The following AHDC1 variants were observed in gnomAD, a reference collection of about 807,000 sequenced individuals.
AHDC1 encodes transcription factor Gibbin.
A neutral mutation model predicts 87.9 loss-of-function variants in AHDC1; 7 were observed. The observed-to-expected ratio is 0.08, with a 90% CI of 0.05 to 0.15. The LOEUF (loss-of-function observed/expected upper bound fraction) is 0.15. AHDC1 is among the 10% of genes least tolerant of loss of function. The probability of loss-of-function intolerance (pLI) is 1.00; values close to 1 mark genes in which losing one functional copy is unlikely to be tolerated. For missense variants in AHDC1, 1,841 were observed against 2,253.2 expected (o/e 0.82, Z 3.70); for synonymous variants, 1,051 against 1,006.8 (o/e 1.04, Z -0.83).
At chr1:27,574,544 G>A (rs2088647804) in intron 3 of AHDC1, among the ~76,000 whole-genome samples, 1 of 152,160 alleles carries the variant, frequency 6.6e-6, no homozygotes, top group South Asian at 2.1e-4. Flanking sequence ...CCAGCGAGTG[G>A]CAACTGTGGC....
Position 27,541,017 on chromosome 1 carries a change from A to C in AHDC1, c.*44-6101T>G, listed in dbSNP as rs1314764800. On this transcript the variant is annotated intron_variant, in intron 8 of 8. Transcript: ENST00000673934. ...TAAAAATGCTAAAAAAAAAAAAAAA[A>C]AAAAAAAAACAACAACAAAACCCAA... is the stretch of plus-strand genomic sequence containing the variant. Among the ~76,000 whole-genome samples the C allele has an allele frequency of 5.5e-4, 83 of 150,646 alleles. 1 individual carries two copies. Among genetic ancestry groups the C allele is most frequent in the Admixed American group, 9.2e-4 (14 of 15,166 alleles).
In AHDC1 at chr1:27,547,964, G is replaced by A. The variant is rs910475305; in HGVS notation, c.4152C>T (p.Ala1384=). The A allele has an allele frequency of 1.9e-6, 3 of 1,599,816 alleles. No homozygotes were observed. The highest frequency in any genetic ancestry group is 2.6e-6 in the Non-Finnish European group (3 of 1,170,834). ...ELDGKHFPPL[A]HPPTVFDAGL... ...CGGCGTCAAACACCGTGGGTGGGTG[G>A]GCCAGCGGTGGGAAATGCTTGCCAT... The change falls in exon 8 of 9, where the codon GCC becomes GCT. Residue 1384 remains alanine (A), a synonymous_variant. Coordinates refer to ENST00000673934, the MANE Select transcript of AHDC1 (RefSeq NM_001371928.1). This position sits in a 1 kb window ranked among gnomAD's most constrained non-coding sequence, Gnocchi z 4.9.
chr1:27,602,761 G>T (rs377088504), intron 3 of AHDC1, among the ~76,000 whole-genome samples: 1 of 152,002 alleles, frequency 6.6e-6, no homozygotes, highest in Non-Finnish European at 1.5e-5. Flanking sequence ...CCAGGTAACC[G>T]GGCACGCGGC....
intron 3 of AHDC1, among the ~76,000 whole-genome samples, chr1:27,602,977 C>T (rs2089574461): frequency 7.0e-6 from 1 of 143,564 alleles, no homozygotes; most frequent in African/African-American, 2.6e-5. Context: ...CCCACGGTCC[C>T]CCCTTCATTC....
At chr1:27,538,676 G>A (rs1307987318) in intron 8 of AHDC1, among the ~76,000 whole-genome samples, 1 of 151,842 alleles carries the variant, frequency 6.6e-6, no homozygotes, top group African/African-American at 2.4e-5. Flanking sequence ...CACCACACCT[G>A]GCTAATTATT....
At chr1:27,573,838 C>T (rs2088620390) in intron 3 of AHDC1, among the ~76,000 whole-genome samples, 1 of 152,188 alleles carries the variant, frequency 6.6e-6, no homozygotes, top group South Asian at 2.1e-4. Flanking sequence ...ATTTCAACTC[C>T]ATTTTGCAGA....
In AHDC1 at chr1:27,534,260, T is replaced by TG. The variant is rs977281694; in HGVS notation, c.*699dup. The TG allele has an allele frequency of 7.4e-6, 1 of 135,256 alleles. No individual in the cohort carries two copies. The highest frequency in any genetic ancestry group is 2.9e-5 in the African/African-American group (1 of 34,646). The allele number at this position is 135,256 out of a possible 1,614,324, so 8.4% of individuals were successfully genotyped here. On this transcript the variant is annotated 3_prime_UTR_variant, in exon 9 of 9. Transcript: ENST00000673934. ...AGACACAAGGTTGGTTTTTTTTTTT[T>TG]GTTTTTTTTTTGTTTTTTTTTTGCT...
chr1:27,537,160 G>C (rs762646352), intron 8 of AHDC1, among the ~76,000 whole-genome samples: 4 of 152,168 alleles, frequency 2.6e-5, no homozygotes, highest in Non-Finnish European at 5.9e-5. Flanking sequence ...TCATGGAGGT[G>C]GGGGAGAATG....
At chr1:27,597,251 G>A (rs1300477721) in intron 3 of AHDC1, among the ~76,000 whole-genome samples, 1 of 152,184 alleles carries the variant, frequency 6.6e-6, no homozygotes, top group East Asian at 1.9e-4. Flanking sequence ...ACCTGTACAG[G>A]GAAGGAAGCA....
rs749870405 is a variant in AHDC1, at chr1:27,549,920, G to A, written c.2196C>T (p.Asp732=). 10 of 1,613,434 alleles carry A rather than the reference G, an allele frequency of 6.2e-6. No homozygotes were observed. The highest frequency in any genetic ancestry group is 4.0e-5 in the African/African-American group (3 of 74,890). The change falls in exon 8 of 9, where the codon GAC becomes GAT. Residue 732 remains aspartate, a synonymous_variant. Transcript: ENST00000673934. Reference sequence around the variant, plus strand: ...TGCGCTTTGGCTTCCCAGTCACAGCGTCTACCTCCCCCCGGCCCCGTTTGC... The same window carrying A: ...TGCGCTTTGGCTTCCCAGTCACAGCATCTACCTCCCCCCGGCCCCGTTTGC... The part of the protein sequence containing the change: ...HPRKRGRGEV[D]AVTGKPKRKR...
chr1:27,600,157 C>T (rs1557714319), intron 3 of AHDC1, among the ~76,000 whole-genome samples: 1 of 151,930 alleles, frequency 6.6e-6, no homozygotes, highest in African/African-American at 2.4e-5. Flanking sequence ...CTTCACCATG[C>T]ATGTGGTTGT....
At chr1:27,546,718 C>A (rs568384274) in intron 8 of AHDC1, among the ~76,000 whole-genome samples, 6 of 152,282 alleles carry the variant, frequency 3.9e-5, no homozygotes, top group Middle Eastern at 3.4e-3. Flanking sequence ...TGTGTGACCA[C>A]GCCACACTGG....
rs1481159957 is a variant in AHDC1 at position 27,590,827 on chromosome 1, T to A, written c.-629+12570A>T. On this transcript the variant is annotated intron_variant, in intron 3 of 8. Coordinates refer to ENST00000673934, the MANE Select transcript of AHDC1 (RefSeq NM_001371928.1). This position sits in a 1 kb window ranked among gnomAD's most constrained non-coding sequence, Gnocchi z 5.4. ...CAGCTCTTTCTTTCTCGTGGGAGGG[T>A]GCAATTTCCGGAGGGGATGAGCATC... 6.6e-6 allele frequency among the ~76,000 whole-genome samples: 1 copy of A among 151,914 alleles called. No individual in the cohort carries two copies. Among genetic ancestry groups the A allele is most frequent in the Non-Finnish European group, 1.5e-5 (1 of 67,976 alleles).
intron 8 of AHDC1, among the ~76,000 whole-genome samples, chr1:27,542,090 C>T (rs2018949932): frequency 6.6e-6 from 1 of 152,276 alleles, no homozygotes; most frequent in African/African-American, 2.4e-5. Flanking sequence ...CTTCCCCCAG[C>T]CTTCCAGCAC....
chr1:27,603,070 G>A lies in AHDC1; in HGVS notation c.-629+327C>T, dbSNP rs530624397. On this transcript the variant is annotated intron_variant, in intron 3 of 8. Transcript: ENST00000673934. ...GCGGAGGGAGGGGGAAGGAGGAGGG[G>A]GCGCGCGGCAGCGCTGGGCGCGCAC... 9.9e-5 allele frequency among the ~76,000 whole-genome samples: 15 copies of A among 151,224 alleles called. No homozygotes were observed. In the East Asian group the frequency reaches 2.8e-3, roughly 28 times the overall value.
chr1:27,601,626 A>AAT (rs1328912906), intron 3 of AHDC1, among the ~76,000 whole-genome samples: 7 of 152,354 alleles, frequency 4.6e-5, no homozygotes, highest in African/African-American at 1.4e-4. Flanking sequence ...TATAAAAATA[A>AAT]ATATACATCT....
At chr1:27,592,440 GGGA>G (rs1350759438) in intron 3 of AHDC1, among the ~76,000 whole-genome samples, 3 of 152,222 alleles carry the variant, frequency 2.0e-5, no homozygotes, top group Non-Finnish European at 2.9e-5. Flanking sequence ...ACAGGAGATG[GGGA>G]GGAGAAGACC....
Position 27,548,573 on chromosome 1 carries a change from C to T in AHDC1, c.3543G>A (p.Gly1181=), listed in dbSNP as rs767121093. ...TQFNQPVGGG[G]FRRANSEASS... ...AGGCCTCGCTGTTGGCACGCCGAAA[C>T]CCCCCGCCACCAACCGGCTGATTGA... Residue 1181 remains glycine (G), a synonymous_variant, in exon 8 of 9, where the codon GGG becomes GGA. Transcript: ENST00000673934. The T allele has an allele frequency of 2.0e-5, 33 of 1,613,242 alleles. No individual in the cohort carries two copies. The highest frequency in any genetic ancestry group is 3.3e-5 in the Admixed American group (2 of 60,010).
Position 27,548,852 on chromosome 1 carries a change from G to A in AHDC1, c.3264C>T (p.Ser1088=), listed in dbSNP as rs149242867. 14,869 of 1,613,012 alleles carry A rather than the reference G, an allele frequency of 9.2e-3. 94 individuals are homozygous for A. Among genetic ancestry groups the A allele is most frequent in the Non-Finnish European group, 0.01 (12,093 of 1,179,926 alleles). Residue 1088 remains serine (S), a synonymous_variant, in exon 8 of 9, where the codon TCC becomes TCT. Coordinates refer to ENST00000673934, the MANE Select transcript of AHDC1 (RefSeq NM_001371928.1). ...ATSAASAASS[S]SSSFQPSPEN... ...CGGGCGAGGGCTGGAAGGAGGAGGAGGAGGAGGAGGCGGCAGAGGCTGCAG... is the reference window on the plus strand; with the variant it reads ...CGGGCGAGGGCTGGAAGGAGGAGGAAGAGGAGGAGGCGGCAGAGGCTGCAG...
Sources: allele counts gnomAD v4.1 joint callset (sites outside exome capture counted in the v4.1 genomes callset), GRCh38; gene constraint gnomAD v4.1.1; non-coding constraint Gnocchi (gnomAD v3.1); transcripts MANE v1.5; gene names NCBI Gene and HGNC (gene_info 2026-07-23, HGNC 2026-07-21).